The following LINGO2 variants were observed in gnomAD, a reference collection of about 807,000 sequenced individuals.
LINGO2 encodes leucine-rich repeat and immunoglobulin-like domain-containing nogo receptor-interacting protein 2.
In LINGO2, 14 loss-of-function variants were observed where a neutral mutation model predicts 30.6. The observed-to-expected ratio is 0.46, with a 90% confidence interval of 0.30 to 0.72. The LOEUF is 0.72. Ranked by LOEUF, LINGO2 falls within the 30% of genes least tolerant of loss-of-function variation. LINGO2 has a pLI of 0.07. For synonymous variants in LINGO2, 317 were observed against 288.5 expected, an observed-to-expected ratio of 1.10 and a Z score of -1.00; for missense variants, 729 against 751.7, an observed-to-expected ratio of 0.97 and a Z score of 0.35.
At chr9:28,872,523 C>T in the LINGO2 span, among the ~76,000 whole-genome samples, 1 of 152,094 alleles carries the variant, frequency 6.6e-6, no homozygotes, top group Admixed American at 6.6e-5. Context: ...AGTGTTCACT[C>T]TGTTACAATT....
chr9:28,052,671 A>G (rs1013092720), intron 4 of LINGO2, among the ~76,000 whole-genome samples: 4 of 152,254 alleles, frequency 2.6e-5, no homozygotes, highest in Middle Eastern at 3.4e-3. Flanking sequence ...TGTGCTGTTC[A>G]TTCCTAAGCT....
chr9:28,485,540 T>G (rs940280449), intron 1 of LINGO2, among the ~76,000 whole-genome samples: 1 of 152,064 alleles, frequency 6.6e-6, no homozygotes, highest in Non-Finnish European at 1.5e-5. Context: ...GAAAAATACC[T>G]CATGAAGGAT....
At chr9:28,684,470 T>G in the LINGO2 span, among the ~76,000 whole-genome samples, 61 of 150,822 alleles carry the variant, frequency 4.0e-4, 1 homozygote, top group South Asian at 2.1e-4. Context: ...ATTACAGGCG[T>G]GAGCCACCGC....
chr9:28,681,320 C>A, the LINGO2 span, among the ~76,000 whole-genome samples: 2 of 152,076 alleles, frequency 1.3e-5, no homozygotes, highest in South Asian at 4.2e-4. Flanking sequence ...CGGTTGGTAA[C>A]CAGAAGGTTC....
chr9:28,201,344 T>C (rs866059770), intron 4 of LINGO2, among the ~76,000 whole-genome samples: 8 of 142,484 alleles, frequency 5.6e-5, no homozygotes, highest in South Asian at 4.7e-4. Flanking sequence ...TTTTTTGTTC[T>C]TGCGATAGTT....
the LINGO2 span, among the ~76,000 whole-genome samples, chr9:28,991,184 C>A: frequency 6.6e-6 from 1 of 152,018 alleles, no homozygotes; most frequent in African/African-American, 2.4e-5. Flanking sequence ...GCTGATGGAG[C>A]TGAAAGCCAT....
At chr9:28,535,437 G>A (rs1308389563) in intron 1 of LINGO2, among the ~76,000 whole-genome samples, 1 of 152,128 alleles carries the variant, frequency 6.6e-6, no homozygotes, top group East Asian at 1.9e-4. Context: ...GCAGTTGGGA[G>A]AAGAGGGTGA....
At chr9:29,083,158 C>G in the LINGO2 span, among the ~76,000 whole-genome samples, 1 of 152,128 alleles carries the variant, frequency 6.6e-6, no homozygotes, top group African/African-American at 2.4e-5. Context: ...GCACTATTCA[C>G]AACAGCAAAA....
At chr9:28,851,015 G>C in the LINGO2 span, among the ~76,000 whole-genome samples, 1 of 151,952 alleles carries the variant, frequency 6.6e-6, no homozygotes, top group African/African-American at 2.4e-5. Context: ...GTTCCCTTAA[G>C]AGTGTGCAAA....
the LINGO2 span, among the ~76,000 whole-genome samples, chr9:28,876,131 C>G: frequency 6.6e-6 from 1 of 152,088 alleles, no homozygotes; most frequent in Non-Finnish European, 1.5e-5. Flanking sequence ...TGCTACTCTT[C>G]TCAATAATAA....
intron 1 of LINGO2, among the ~76,000 whole-genome samples, chr9:28,535,663 G>GCA (rs1311610018): frequency 6.6e-6 from 1 of 151,638 alleles, no homozygotes; most frequent in Non-Finnish European, 1.5e-5. Flanking sequence ...ACATCCATGT[G>GCA]CACACACACA....
rs36088138 is a variant in LINGO2, at chr9:28,258,921, C to CAA, written c.-87+36285_-87+36286dup. 2.5e-3 allele frequency among the ~76,000 whole-genome samples: 370 copies of CAA among 146,350 alleles called. 3 individuals are homozygous for CAA. The highest frequency in any genetic ancestry group is 5.8e-3 in the African/African-American group (230 of 39,584). ...ATGGTGCAGTGAATATTTCATAAGT[C>CAA]AAAAAAAAAAACATTAAGTTTCAAG... is the stretch of plus-strand genomic sequence containing the variant. On this transcript the variant is annotated intron_variant, in intron 4 of 5. Coordinates refer to ENST00000379992, the Ensembl canonical transcript of LINGO2.
chr9:28,599,804 C>T (rs748864028), intron 1 of LINGO2, among the ~76,000 whole-genome samples: 7 of 152,100 alleles, frequency 4.6e-5, no homozygotes, highest in Middle Eastern at 3.4e-3. Context: ...TTTATAGAAA[C>T]GCTTTTTCTA....
chr9:28,298,526 A>G (rs1003706259), intron 3 of LINGO2, among the ~76,000 whole-genome samples: 2 of 149,914 alleles, frequency 1.3e-5, no homozygotes, highest in Non-Finnish European at 3.0e-5. Context: ...AAAGAAAAAA[A>G]TACAAAATTA....
chr9:27,998,753 T>C (rs1324865123), intron 5 of LINGO2, among the ~76,000 whole-genome samples: 1 of 152,090 alleles, frequency 6.6e-6, no homozygotes, highest in Non-Finnish European at 1.5e-5. Flanking sequence ...TACTGGGTCA[T>C]GCATTCCATC....
At chr9:29,139,330 T>A in the LINGO2 span, among the ~76,000 whole-genome samples, 2 of 152,178 alleles carry the variant, frequency 1.3e-5, no homozygotes, top group African/African-American at 4.8e-5. Context: ...GTTCCTGGCC[T>A]ATGGAAACTC....
intron 4 of LINGO2, among the ~76,000 whole-genome samples, chr9:28,036,225 A>G (rs1030959796): frequency 6.6e-6 from 1 of 152,238 alleles, no homozygotes; most frequent in Admixed American, 6.5e-5. Flanking sequence ...AAAAGAACAA[A>G]CAGCCCATCA....
chr9:27,943,956 G>A (rs1372409567), downstream of LINGO2: 3 of 152,290 alleles, frequency 2.0e-5, no homozygotes, highest in Non-Finnish European at 2.9e-5. Context: ...CTTGAGAAAG[G>A]GCAGTCTGGG....
the LINGO2 span, among the ~76,000 whole-genome samples, chr9:28,772,964 AGTATCAC>A: frequency 6.6e-6 from 1 of 152,238 alleles, no homozygotes; most frequent in Non-Finnish European, 1.5e-5. Flanking sequence ...CTCATTCCAT[AGTATCAC>A]GTTGCCTTGA....
Sources: allele counts gnomAD v4.1 joint callset (sites outside exome capture counted in the v4.1 genomes callset), GRCh38; gene constraint gnomAD v4.1.1; transcripts MANE v1.5; gene names NCBI Gene and HGNC (gene_info 2026-07-23, HGNC 2026-07-21).